The following LAMA4 variants were observed in gnomAD, a reference collection of about 807,000 sequenced individuals.
LAMA4 encodes laminin subunit alpha-4.
LAMA4 carries 127 observed loss-of-function variants against 207.1 expected under a neutral mutation model. The observed-to-expected ratio is 0.61, with a 90% confidence interval of 0.53 to 0.71. The LOEUF (loss-of-function observed/expected upper bound fraction) is 0.71, where lower values mean the gene tolerates loss of function less well. Among genes scored for constraint, LAMA4 ranks in the 30% least tolerant of loss-of-function variants. The pLI is 0.00. For synonymous variants in LAMA4, 761 were observed against 816.0 expected (o/e 0.93, Z 1.15); for missense variants, 2,093 against 2,246.5 (o/e 0.93, Z 1.38).
At chr6:112,185,140 C>T in intron 9 of LAMA4, 97 bp downstream of exon 9, 2 of 822,340 alleles carry the variant, frequency 2.4e-6, no homozygotes, top group Non-Finnish European at 2.2e-6. Context: ...TTTTTCTGGG[C>T]TGTGTTAAGC....
intron 16 of LAMA4, 100 bp from the exon 17 acceptor site, chr6:112,150,727 C>A (rs1554335601): frequency 1.2e-6 from 1 of 835,858 alleles, no homozygotes; most frequent in African/African-American, 1.7e-5. Flanking sequence ...ATGCAGTCAT[C>A]TGCAGTATTT....
intron 28 of LAMA4, among the ~76,000 whole-genome samples, chr6:112,131,579 T>G (rs1779034998): frequency 6.6e-6 from 1 of 152,102 alleles, no homozygotes; most frequent in Admixed American, 6.6e-5. Flanking sequence ...GCTTATTGCT[T>G]GTCTTAAAAT....
At chr6:112,175,800 A>G (rs1014715457) in intron 10 of LAMA4, among the ~76,000 whole-genome samples, 19 of 152,226 alleles carry the variant, frequency 1.2e-4, no homozygotes, top group Non-Finnish European at 2.4e-4. Context: ...TGAGAATGCT[A>G]ATATTTAGCG....
intron 2 of LAMA4, chr6:112,216,719 C>G: frequency 6.1e-6 from 3 of 489,444 alleles, no homozygotes; most frequent in East Asian, 7.8e-5. Context: ...AACAGAAATG[C>G]CTTTAACACT....
chr6:112,158,470 A>AT lies in LAMA4; in HGVS notation c.1817+261dup, dbSNP rs202102889. Reference sequence around the variant, plus strand: ...GGAACACAGACCTTTAATATGACAGATTTTTTTTAAATAAAAAAGACCAGC... The same window carrying AT: ...GGAACACAGACCTTTAATATGACAGATTTTTTTTTAAATAAAAAAGACCAGC... On this transcript the variant is annotated intron_variant, in intron 14 of 38. Coordinates refer to ENST00000230538, the MANE Select transcript of LAMA4 (RefSeq NM_001105206.3). The AT allele has an allele frequency of 9.4e-3, 4,441 of 470,906 alleles. 39 individuals carry two copies. Among genetic ancestry groups the AT allele is most frequent in the Non-Finnish European group, 0.014 (3,521 of 260,168 alleles). 29.2% of individuals were successfully genotyped at this position (470,906 alleles called of 1,614,324 possible).
intron 11 of LAMA4, among the ~76,000 whole-genome samples, chr6:112,174,870 C>T (rs1431595701): frequency 2.0e-5 from 3 of 152,236 alleles, no homozygotes; most frequent in African/African-American, 7.2e-5. Context: ...GATTTGGTGC[C>T]TACACTCATT....
intron 4 of LAMA4, among the ~76,000 whole-genome samples, chr6:112,204,551 TGA>T (rs1562730118): frequency 6.6e-6 from 1 of 151,684 alleles, no homozygotes; most frequent in African/African-American, 2.4e-5. Context: ...AACATGTTTA[TGA>T]GAGAATGAGT....
At chr6:112,142,620 G>T (rs1388329746) in intron 19 of LAMA4, among the ~76,000 whole-genome samples, 6 of 152,130 alleles carry the variant, frequency 3.9e-5, no homozygotes, top group African/African-American at 1.4e-4. Context: ...CAATTCACAA[G>T]GCTCATACAA....
chr6:112,253,574 AGCAGGAAGC>A, intron 2 of LAMA4: 1 of 643,584 alleles, frequency 1.6e-6, no homozygotes. Context: ...AGCACAGAGG[AGCAGGAAGC>A]CAGTGACAGG....
chr6:112,175,881 T>G (rs1350529420), intron 10 of LAMA4, among the ~76,000 whole-genome samples: 9 of 152,232 alleles, frequency 5.9e-5, no homozygotes, highest in African/African-American at 2.2e-4. Flanking sequence ...TATAACATAC[T>G]TAACTTGGAG....
chr6:112,188,320 A>T (rs1554347360), intron 7 of LAMA4, among the ~76,000 whole-genome samples: 1 of 152,204 alleles, frequency 6.6e-6, no homozygotes, highest in Non-Finnish European at 1.5e-5. Flanking sequence ...CCAGTACTTC[A>T]GGCTTGGTGG....
rs147078770 is a variant in LAMA4 at position 112,189,194 on chromosome 6, C to A, written c.730G>T (p.Gly244Trp). ...IAKNCAVCNC[G>W]GGPCDSVTGE... ...GTTACACTGTCACATGGGCCTCCCC[C>A]GCAGTTGCACACTGTGGGAAACAAA... The change falls in exon 7 of 39, where the codon GGG becomes TGG. Residue 244 changes from glycine to tryptophan, a missense_variant. Physicochemically the swap from Gly to Trp is radical, Grantham distance 184 (BLOSUM62 -2). Coordinates refer to ENST00000230538, the MANE Select transcript of LAMA4 (RefSeq NM_001105206.3). The A allele has an allele frequency of 1.2e-6, 2 of 1,613,484 alleles. No individual in the cohort carries two copies. Among genetic ancestry groups the A allele is most frequent in the African/African-American group, 1.3e-5 (1 of 74,896 alleles).
intron 31 of LAMA4, among the ~76,000 whole-genome samples, chr6:112,124,093 T>C (rs1305290059): frequency 2.6e-5 from 4 of 152,180 alleles, no homozygotes; most frequent in Non-Finnish European, 5.9e-5. Context: ...ATAGGAGATA[T>C]GATCACTTTT....
Position 112,108,531 on chromosome 6 carries a change from C to T in LAMA4, c.*906G>A, listed in dbSNP as rs113422687. On this transcript the variant is annotated 3_prime_UTR_variant, in exon 39 of 39. Coordinates refer to ENST00000230538, the MANE Select transcript of LAMA4 (RefSeq NM_001105206.3). The stretch of plus-strand genomic sequence containing the variant: ...AACTCCTGAGCTTAAGCGATCCTCC[C>T]GTCTCAGCCTCCCAAGTAGCTGGGA... 5.3e-5 allele frequency among the ~76,000 whole-genome samples: 8 copies of T among 152,028 alleles called. No homozygotes were observed. The highest frequency in any genetic ancestry group is 1.2e-4 in the Non-Finnish European group (8 of 68,010).
In LAMA4 at chr6:112,230,275, C is replaced by T. The variant is rs150483021; in HGVS notation, c.196-13806G>A. Among the ~76,000 whole-genome samples the T allele has an allele frequency of 3.1e-4, 47 of 152,348 alleles. No homozygotes were observed. The East Asian group carries it at 4.6e-3, about 15-fold the overall frequency. ...AAGATAGCACAGCCTCTAGACCTAA[C>T]TGATTGATCTGCCATGGGCATGACA... On this transcript the variant is annotated intron_variant, in intron 2 of 38. Coordinates refer to ENST00000230538, the MANE Select transcript of LAMA4 (RefSeq NM_001105206.3).
chr6:112,149,904 T>C (rs1780273506), intron 17 of LAMA4, among the ~76,000 whole-genome samples: 1 of 152,216 alleles, frequency 6.6e-6, no homozygotes, highest in South Asian at 2.1e-4. Context: ...TAACTTTCAC[T>C]GCGCGAAGGA....
At chr6:112,239,378 T>A (rs906790714) in intron 2 of LAMA4, among the ~76,000 whole-genome samples, 12 of 151,774 alleles carry the variant, frequency 7.9e-5, no homozygotes, top group Non-Finnish European at 1.5e-4. Context: ...TGGCATTTTT[T>A]ATTGACCTTA....
At chr6:112,227,116 G>T (rs1398156401) in intron 2 of LAMA4, among the ~76,000 whole-genome samples, 1 of 151,702 alleles carries the variant, frequency 6.6e-6, no homozygotes, top group Non-Finnish European at 1.5e-5. Context: ...CTGTTGCCCA[G>T]GCTGGAGTGC....
chr6:112,190,093 A>G (rs1435172442), intron 6 of LAMA4, among the ~76,000 whole-genome samples: 2 of 152,218 alleles, frequency 1.3e-5, no homozygotes, highest in African/African-American at 4.8e-5. Flanking sequence ...TTAATGTTCC[A>G]CAAAATGCAG....
Sources: allele counts gnomAD v4.1 joint callset (sites outside exome capture counted in the v4.1 genomes callset), GRCh38; gene constraint gnomAD v4.1.1; transcripts MANE v1.5; gene names NCBI Gene and HGNC (gene_info 2026-07-23, HGNC 2026-07-21).